MREG: variants seen among roughly 807,000 people sequenced by gnomAD.
The protein encoded by MREG is melanoregulin.
In MREG, 31 loss-of-function variants were observed where a neutral mutation model predicts 28.5. That is an observed-to-expected ratio of 1.09 (90% CI 0.82 to 1.47). The LOEUF (loss-of-function observed/expected upper bound fraction) is 1.47, where lower values mean the gene tolerates loss of function less well. Ranked by LOEUF, MREG falls within the 40% of genes most tolerant of loss-of-function variation. The pLI is 0.00. For synonymous variants in MREG, 106 were observed against 95.2 expected, an observed-to-expected ratio of 1.11 and a Z score of -0.66; for missense variants, 256 against 257.4, an observed-to-expected ratio of 0.99 and a Z score of 0.04.
intron 1 of MREG, among the ~76,000 whole-genome samples, chr2:216,006,507 GC>G (rs1316398647): frequency 1.3e-5 from 2 of 152,192 alleles, no homozygotes; most frequent in South Asian, 4.1e-4. Flanking sequence ...TCATTGTCCG[GC>G]CCCGGAGCTA....
At chr2:216,022,492 C>T (rs1391254552) in intron 1 of MREG, among the ~76,000 whole-genome samples, 1 of 152,150 alleles carries the variant, frequency 6.6e-6, no homozygotes, top group East Asian at 1.9e-4. Context: ...GTTAATTATA[C>T]TGCTACGTCT....
intron 1 of MREG, among the ~76,000 whole-genome samples, chr2:216,025,665 TAGCCGAGGCAGCCCTCTTC>T (rs1382388937): frequency 6.6e-6 from 1 of 152,216 alleles, no homozygotes; most frequent in Admixed American, 6.5e-5. Context: ...AACATGGCCT[TAGCCGAGGCAGCCCTCTTC>T]AGCAGAGGCT....
At chr2:216,015,151 G>A (rs1005894957), upstream of MREG, among the ~76,000 whole-genome samples, 7 of 152,084 alleles carry the variant, frequency 4.6e-5, no homozygotes, top group Admixed American at 1.3e-4. Flanking sequence ...CTGTGCGTGC[G>A]TACGTGTGCG....
intron 2 of MREG, among the ~76,000 whole-genome samples, chr2:215,995,134 G>T (rs1338406431): frequency 6.6e-6 from 1 of 152,194 alleles, no homozygotes; most frequent in Non-Finnish European, 1.5e-5. Flanking sequence ...GCAGCAGCAG[G>T]ATTTATGACT....
intron 2 of MREG, among the ~76,000 whole-genome samples, chr2:215,986,891 G>A (rs72950840): frequency 0.069 from 10,451 of 152,162 alleles, 807 homozygotes; most frequent in African/African-American, 0.19. Flanking sequence ...ACTAATACAT[G>A]AAGCACTGTC....
At chr2:215,965,333 G>C (rs1559179577) in intron 2 of MREG, among the ~76,000 whole-genome samples, 1 of 152,158 alleles carries the variant, frequency 6.6e-6, no homozygotes, top group Non-Finnish European at 1.5e-5. Context: ...CTGTATTCCA[G>C]GATCTCGCCA....
intron 2 of MREG, among the ~76,000 whole-genome samples, chr2:215,965,548 G>A (rs920932449): frequency 8.5e-5 from 13 of 152,204 alleles, no homozygotes; most frequent in Non-Finnish European, 4.4e-5. Context: ...AACAATCCTA[G>A]AAATCTGACA....
Position 215,943,630 on chromosome 2 carries a change from A to G in MREG, c.*1233T>C, listed in dbSNP as rs1294074689. The G allele has an allele frequency of 2.1e-5, 8 of 387,710 alleles. No homozygotes were observed. The highest frequency in any genetic ancestry group is 3.6e-5 in the Non-Finnish European group (7 of 195,794). 24.0% of individuals were successfully genotyped at this position (387,710 alleles called of 1,614,324 possible). On this transcript the variant is annotated 3_prime_UTR_variant, in exon 5 of 5. Transcript: ENST00000263268. ...GCTGGGGCAGGCGGATGACGAGGTC[A>G]GGAGATCGAGACCATCGTGGCTAAC...
intron 3 of MREG, 29 bp from the exon 4 acceptor site, chr2:215,945,763 A>G (rs747597078): frequency 2.0e-5 from 32 of 1,596,916 alleles, no homozygotes; most frequent in Non-Finnish European, 2.6e-5. Flanking sequence ...CCACTCATGT[A>G]AAGTAGTCCC....
chr2:215,981,505 T>C (rs984196811), intron 2 of MREG, among the ~76,000 whole-genome samples: 25 of 152,166 alleles, frequency 1.6e-4, no homozygotes, highest in African/African-American at 5.5e-4. Flanking sequence ...TGGGGAGTTA[T>C]TGTCTAGTGG....
intron 2 of MREG, among the ~76,000 whole-genome samples, chr2:215,974,120 C>A (rs1262026800): frequency 2.0e-5 from 3 of 152,108 alleles, no homozygotes; most frequent in Admixed American, 6.5e-5. Context: ...AGAGGGTGTG[C>A]CCAGCTTGTA....
intron 2 of MREG, 125 bp downstream of exon 2, chr2:215,996,181 C>T: frequency 9.9e-7 from 1 of 1,007,148 alleles, no homozygotes; most frequent in South Asian, 2.0e-5. Flanking sequence ...GCTAAAATAC[C>T]TGCCCTTCAT....
rs571284412 is a variant in MREG at position 215,974,113 on chromosome 2, G to A, written c.255+22193C>T. Among the ~76,000 whole-genome samples the A allele has an allele frequency of 2.6e-5, 4 of 152,254 alleles. No individual in the cohort carries two copies. In the South Asian group the frequency reaches 6.2e-4, roughly 24 times the overall value. ...ATTCGACATAGCAATTATTTCAAGAGGGTGTGCCCAGCTTGTATTCATTTG... is the reference window on the plus strand; with the variant it reads ...ATTCGACATAGCAATTATTTCAAGAAGGTGTGCCCAGCTTGTATTCATTTG... On this transcript the variant is annotated intron_variant, in intron 2 of 4. Coordinates refer to ENST00000263268, the MANE Select transcript of MREG (RefSeq NM_018000.3).
intron 2 of MREG, among the ~76,000 whole-genome samples, chr2:215,971,873 A>T (rs796459099): frequency 1.1e-4 from 17 of 152,332 alleles, no homozygotes; most frequent in African/African-American, 4.1e-4. Context: ...TTCAACATCA[A>T]CCAAGGATCT....
rs1418194070 is a variant in MREG at position 215,944,775 on chromosome 2, C to T, written c.*88G>A. The T allele has an allele frequency of 7.6e-7, 1 of 1,316,036 alleles. No homozygotes were observed. The highest frequency in any genetic ancestry group is 2.2e-5 in the Admixed American group (1 of 45,362). The allele number at this position is 1,316,036 out of a possible 1,614,324, so 81.5% of individuals were successfully genotyped here. A position where few individuals can be genotyped will look rare whatever the true frequency, so the allele number is the denominator to read the frequency against. On this transcript the variant is annotated 3_prime_UTR_variant, in exon 5 of 5. Coordinates refer to ENST00000263268, the MANE Select transcript of MREG (RefSeq NM_018000.3). ...TTTTTCACTAAGCAAACTCTATTTG[C>T]TCACTCTCTTCTACATGTAATTGTC...
chr2:215,941,590 A>G (rs1389816902), downstream of MREG: 2 of 152,250 alleles, frequency 1.3e-5, no homozygotes, highest in East Asian at 3.8e-4. Context: ...GTGGTTTTAC[A>G]AAGACCTTCT....
intron 1 of MREG, among the ~76,000 whole-genome samples, chr2:216,030,962 A>T (rs1161114894): frequency 6.9e-5 from 9 of 129,814 alleles, no homozygotes; most frequent in African/African-American, 2.6e-4. Flanking sequence ...TCTCTCACAC[A>T]CACACACACA....
rs1164326774 is a variant in MREG at position 216,010,354 on chromosome 2, C to CTTTTTTTTTTTTTT, written c.95+2865_95+2878dup. Among the ~76,000 whole-genome samples the CTTTTTTTTTTTTTT allele has an allele frequency of 5.3e-5, 5 of 94,380 alleles. 1 individual carries two copies. The highest frequency in any genetic ancestry group is 8.3e-5 in the African/African-American group (2 of 24,080). 61.9% of individuals were successfully genotyped at this position (94,380 alleles called of 152,430 possible). A position where few individuals can be genotyped will look rare whatever the true frequency, so the allele number is the denominator to read the frequency against. ...TAGAACTGTGAAAGAAAAGATTTCT[C>CTTTTTTTTTTTTTT]TTTTTTTTTTTTTTTTTTTTTGAGA... On this transcript the variant is annotated intron_variant, in intron 1 of 4. Transcript: ENST00000263268.
At position 215,996,418 on chromosome 2, in the gene MREG, T is replaced by C; in HGVS notation, c.143A>G (p.Asp48Gly). ...SSFGATLVRD[D>G]EKNLWSMPHD... ...GGGCATACTCCATAAATTCTTCTCA[T>C]CATCCCTCACCAGAGTTGCTCCAAA... Residue 48 changes from aspartate to glycine, a missense_variant, in exon 2 of 5, where the codon GAT becomes GGT. Asp to Gly is a moderately conservative substitution (Grantham distance 94). Transcript: ENST00000263268. 1 of 1,613,848 alleles carries C rather than the reference T, an allele frequency of 6.2e-7. No individual in the cohort carries two copies. The highest frequency in any genetic ancestry group is 8.5e-7 in the Non-Finnish European group (1 of 1,179,726).
Sources: allele counts gnomAD v4.1 joint callset (sites outside exome capture counted in the v4.1 genomes callset), GRCh38; gene constraint gnomAD v4.1.1; transcripts MANE v1.5; gene names NCBI Gene and HGNC (gene_info 2026-07-23, HGNC 2026-07-21).